SGO2: variants seen among roughly 807,000 people sequenced by gnomAD.
The protein encoded by SGO2 is shugoshin-like 2.
Under a neutral mutation model 99.5 loss-of-function variants are expected in SGO2, and 68 were observed. That is an observed-to-expected ratio of 0.68 (90% CI 0.56 to 0.84). The LOEUF (loss-of-function observed/expected upper bound fraction) is 0.84. Ranked by LOEUF, SGO2 falls within the 40% of genes least tolerant of loss-of-function variation. The pLI is 0.00. For synonymous variants in SGO2, 457 were observed against 487.1 expected, an observed-to-expected ratio of 0.94 and a Z score of 0.81; for missense variants, 1,350 against 1,436.7, an observed-to-expected ratio of 0.94 and a Z score of 0.97.
chr2:200,551,016 A>C (rs936851607), intron 5 of SGO2, among the ~76,000 whole-genome samples: 1 of 151,984 alleles, frequency 6.6e-6, no homozygotes, highest in African/African-American at 2.4e-5. Flanking sequence ...AAAAAGGGGA[A>C]TCATATACTG....
intron 8 of SGO2, among the ~76,000 whole-genome samples, chr2:200,577,999 C>A (rs1258572080): frequency 6.6e-6 from 1 of 151,978 alleles, no homozygotes; most frequent in Admixed American, 6.6e-5. Flanking sequence ...CTATATATTC[C>A]ATTTCTCAAA....
In SGO2 at chr2:200,570,166, T is replaced by C. The variant is rs998029724; in HGVS notation, c.703+274T>C. The C allele has an allele frequency of 2.5e-6, 1 of 401,348 alleles. No homozygotes were observed. The highest frequency in any genetic ancestry group is 2.1e-5 in the African/African-American group (1 of 48,402). The allele number at this position is 401,348 out of a possible 1,614,324, so 24.9% of individuals were successfully genotyped here. ...GAGCTTTTCTCAATATCTTAGCTTA[T>C]GATTTGAAAGATACCATATATTTAC... On this transcript the variant is annotated intron_variant, in intron 6 of 8. Transcript: ENST00000357799. This position sits in a 1 kb window ranked among gnomAD's most constrained non-coding sequence, Gnocchi z 4.4.
Position 200,571,824 on chromosome 2 carries a change from A to T in SGO2, c.1478A>T (p.Glu493Val), listed in dbSNP as rs749591157. 25 of 1,613,252 alleles carry T rather than the reference A, an allele frequency of 1.5e-5. No homozygotes were observed. The highest frequency in any genetic ancestry group is 2.1e-5 in the Non-Finnish European group (25 of 1,179,620). Residue 493 changes from glutamate to valine, a missense_variant, in exon 7 of 9, where the codon GAG (glutamate) becomes GTG (valine). Coordinates refer to ENST00000357799, the MANE Select transcript of SGO2 (RefSeq NM_152524.6). ...DRENVLCNKK[E>V]KRITNEQEET... is the part of the protein sequence containing the mutation. ...GAAAATGTACTGTGTAATAAAAAGG[A>T]GAAAAGAATAACAAATGAGCAAGAG...
chr2:200,559,169 G>A (rs1029690408), intron 5 of SGO2, among the ~76,000 whole-genome samples: 6 of 152,208 alleles, frequency 3.9e-5, no homozygotes, highest in Admixed American at 3.9e-4. Flanking sequence ...TGTTAGGTTT[G>A]TAAAATTTTT....
chr2:200,532,930 TC>T, intron 1 of SGO2, 43 bp from the exon 2 acceptor site: 1 of 1,564,792 alleles, frequency 6.4e-7, no homozygotes, highest in Non-Finnish European at 8.7e-7. Context: ...TTATACTTTT[TC>T]TTTTATTAAT....
chr2:200,532,494 A>G (rs2031457349), intron 1 of SGO2: 1 of 947,092 alleles, frequency 1.1e-6, no homozygotes, highest in African/African-American at 1.8e-5. Flanking sequence ...ACTATAATGT[A>G]ATGATTTCTT....
chr2:200,583,223 GTTGA>G (rs1351927802), intron 8 of SGO2, among the ~76,000 whole-genome samples: 2 of 152,112 alleles, frequency 1.3e-5, no homozygotes, highest in African/African-American at 4.8e-5. Flanking sequence ...TAAAATCTAT[GTTGA>G]TTAATTTTTC....
In SGO2 at chr2:200,572,076, A is replaced by G; in HGVS notation, c.1730A>G (p.Asp577Gly). ...CACACAGCCAATCTTTCCACCAAAG[A>G]TAATGGAAATTTATGTGATTATGGG... ...EFHTANLSTK[D>G]NGNLCDYGTH... Residue 577 changes from aspartate to glycine, a missense_variant, in exon 7 of 9, where the codon GAT (aspartate) becomes GGT (glycine). Asp to Gly is a moderately conservative substitution (Grantham distance 94). Coordinates refer to ENST00000357799, the MANE Select transcript of SGO2 (RefSeq NM_152524.6). 1 of 1,613,562 alleles carries G rather than the reference A, an allele frequency of 6.2e-7. No homozygotes were observed. Among genetic ancestry groups the G allele is most frequent in the Non-Finnish European group, 8.5e-7 (1 of 1,179,636 alleles).
chr2:200,538,265 C>A (rs930250748), intron 4 of SGO2, among the ~76,000 whole-genome samples: 1 of 152,172 alleles, frequency 6.6e-6, no homozygotes, highest in African/African-American at 2.4e-5. Context: ...TTCTTCCACT[C>A]CTTAACCTTT....
chr2:200,572,823 A>G lies in SGO2; in HGVS notation c.2477A>G (p.Tyr826Cys). ...ATAATTCCTGAAACCAACCAAATAT[A>G]TGAGAATGATAACAAAGGTGTACAT... is the stretch of plus-strand genomic sequence containing the variant. ...SEIIPETNQI[Y>C]ENDNKGVHDL... Residue 826 changes from tyrosine to cysteine, a missense_variant, in exon 7 of 9, where the codon TAT (tyrosine) becomes TGT (cysteine). Transcript: ENST00000357799. 1 of 1,611,786 alleles carries G rather than the reference A, an allele frequency of 6.2e-7. No individual in the cohort carries two copies. Among genetic ancestry groups the G allele is most frequent in the Non-Finnish European group, 8.5e-7 (1 of 1,179,046 alleles).
chr2:200,552,643 G>A (rs558459942), intron 5 of SGO2, among the ~76,000 whole-genome samples: 22 of 152,284 alleles, frequency 1.4e-4, no homozygotes, highest in Non-Finnish European at 3.2e-4. Flanking sequence ...TTGTCATGGT[G>A]CTGGTGGGAG....
chr2:200,546,353 G>GAAA (rs772361302), intron 5 of SGO2, among the ~76,000 whole-genome samples: 5 of 42,246 alleles, frequency 1.2e-4, no homozygotes, highest in Non-Finnish European at 1.6e-4. Context: ...ACTCCATCTG[G>GAAA]AAAAAAAAAA....
intron 5 of SGO2, among the ~76,000 whole-genome samples, chr2:200,568,714 G>A (rs1293328987): frequency 6.6e-6 from 1 of 152,150 alleles, no homozygotes; most frequent in Non-Finnish European, 1.5e-5. Context: ...AGCTGAGGCT[G>A]TAAAACAATG....
intron 8 of SGO2, among the ~76,000 whole-genome samples, chr2:200,576,471 G>A (rs891722959): frequency 2.0e-5 from 3 of 152,110 alleles, no homozygotes; most frequent in African/African-American, 7.2e-5. Flanking sequence ...AGCTGCTCGG[G>A]AGGCTGAGGC....
In SGO2 at chr2:200,532,402, T is replaced by C. The variant is rs144288884; in HGVS notation, c.-2-572T>C. 1.3e-4 allele frequency: 126 copies of C among 983,830 alleles called. No individual in the cohort carries two copies. In the African/African-American group the frequency reaches 2.1e-3, roughly 16 times the overall value. The allele number at this position is 983,830 out of a possible 1,614,324, so 60.9% of individuals were successfully genotyped here. On this transcript the variant is annotated intron_variant, in intron 1 of 8. Coordinates refer to ENST00000357799, the MANE Select transcript of SGO2 (RefSeq NM_152524.6). ...ATCAACTGCTGCTTCTCAGTGAAGC[T>C]ATTTCTGATCCTTTTCCTCTGCCCA...
intron 7 of SGO2, 59 bp downstream of exon 7, chr2:200,574,036 C>G: frequency 2.2e-6 from 3 of 1,363,702 alleles, no homozygotes; most frequent in Non-Finnish European, 2.9e-6. Flanking sequence ...TTTTTGTTTT[C>G]GTTTTTTACT....
intron 5 of SGO2, among the ~76,000 whole-genome samples, chr2:200,564,119 C>G (rs2033090646): frequency 1.3e-5 from 2 of 152,130 alleles, no homozygotes; most frequent in Admixed American, 1.3e-4. Flanking sequence ...AATGTGTTTG[C>G]TCTTGCTTCT....
intron 5 of SGO2, among the ~76,000 whole-genome samples, chr2:200,544,203 T>G (rs1424626878): frequency 6.6e-6 from 1 of 152,256 alleles, no homozygotes; most frequent in African/African-American, 2.4e-5. Flanking sequence ...TTGTTCTCAT[T>G]GCTGTATAGT....
chr2:200,545,284 G>A (rs144548423), intron 5 of SGO2, among the ~76,000 whole-genome samples: 1 of 152,288 alleles, frequency 6.6e-6, no homozygotes, highest in African/African-American at 2.4e-5. Context: ...TAGGATTACA[G>A]GTGTGAGCCA....
Sources: allele counts gnomAD v4.1 joint callset (sites outside exome capture counted in the v4.1 genomes callset), GRCh38; gene constraint gnomAD v4.1.1; non-coding constraint Gnocchi (gnomAD v3.1); transcripts MANE v1.5; gene names NCBI Gene and HGNC (gene_info 2026-07-23, HGNC 2026-07-21).